The following GTF2F2 variants were observed in gnomAD, a reference collection of about 807,000 sequenced individuals.
GTF2F2 encodes ATP-dependent helicase GTF2F2.
GTF2F2 carries 23 observed loss-of-function variants against 42.2 expected under a neutral mutation model. That is an observed-to-expected ratio of 0.55 (90% CI 0.39 to 0.77). The LOEUF (loss-of-function observed/expected upper bound fraction) is 0.77, where lower values mean the gene tolerates loss of function less well. Ranked by LOEUF, GTF2F2 falls within the 30% of genes least tolerant of loss-of-function variation. The pLI is 0.00. For missense variants in GTF2F2, 261 were observed against 287.2 expected (o/e 0.91, Z 0.66); for synonymous variants, 105 against 100.8 (o/e 1.04, Z -0.25).
In GTF2F2 at chr13:45,186,615, G is replaced by C. The variant is rs192705854; in HGVS notation, c.305-20809G>C. ...CGCCTGGCCGCCCAGCCTATTTTTA[G>C]TGTTTTAAAAATAAATAAAAATTTA... On this transcript the variant is annotated intron_variant, in intron 4 of 7. Coordinates refer to ENST00000340473, the MANE Select transcript of GTF2F2 (RefSeq NM_004128.3). Among the ~76,000 whole-genome samples, 111 of 152,134 alleles carry C rather than the reference G, an allele frequency of 7.3e-4. 2 individuals are homozygous for C. In the East Asian group the frequency reaches 0.02, roughly 28 times the overall value.
chr13:45,147,127 A>C, intron 2 of GTF2F2, among the ~76,000 whole-genome samples: 1 of 152,138 alleles, frequency 6.6e-6, no homozygotes, highest in East Asian at 1.9e-4. Context: ...CCCTGATTGC[A>C]TCTAGTTACC....
In GTF2F2 at chr13:45,136,733, G is replaced by A. The variant is rs757139282; in HGVS notation, c.67G>A (p.Val23Ile). The change falls in exon 2 of 8, where the codon GTT becomes ATT. Residue 23 changes from valine to isoleucine, a missense_variant and splice_region_variant. Coordinates refer to ENST00000340473, the MANE Select transcript of GTF2F2 (RefSeq NM_004128.3). Reference protein sequence around the residue: ...KQNTGVWLVKVPKYLSQQWAK... With the variant: ...KQNTGVWLVKIPKYLSQQWAK... Reference sequence around the variant, plus strand: ...TTATTAGTGTTTTACTTTGTTTTAGGTTCCTAAATATTTGTCACAGCAATG... The same window carrying A: ...TTATTAGTGTTTTACTTTGTTTTAGATTCCTAAATATTTGTCACAGCAATG... 49 of 1,555,894 alleles carry A rather than the reference G, an allele frequency of 3.1e-5. No individual in the cohort carries two copies. Among genetic ancestry groups the A allele is most frequent in the Admixed American group, 2.2e-4 (13 of 58,366 alleles).
chr13:45,136,924 G>A (rs908566744), intron 2 of GTF2F2, 118 bp downstream of exon 2: 4 of 650,610 alleles, frequency 6.1e-6, no homozygotes, highest in Non-Finnish European at 1.1e-5. Flanking sequence ...CAAGTAATGA[G>A]CATGTCAAGG....
intron 5 of GTF2F2, among the ~76,000 whole-genome samples, chr13:45,235,225 T>A (rs1039653930): frequency 6.6e-6 from 1 of 151,980 alleles, no homozygotes; most frequent in African/African-American, 2.4e-5. Context: ...AATTAATTTA[T>A]TATATTACCG....
At chr13:45,213,814 CTTTA>C (rs1430136931) in intron 5 of GTF2F2, among the ~76,000 whole-genome samples, 1 of 152,138 alleles carries the variant, frequency 6.6e-6, no homozygotes, top group Non-Finnish European at 1.5e-5. Context: ...GAAACCTGGA[CTTTA>C]TTTTTCAGTT....
At chr13:45,143,831 T>C (rs1262900640) in intron 2 of GTF2F2, among the ~76,000 whole-genome samples, 1 of 152,240 alleles carries the variant, frequency 6.6e-6, no homozygotes, top group African/African-American at 2.4e-5. Context: ...GAGTAACAGC[T>C]TGTTCTGACA....
At position 45,239,994 on chromosome 13, in the gene GTF2F2, C is replaced by A. The variant is rs900968438; in HGVS notation, c.387-12877C>A. Among the ~76,000 whole-genome samples the A allele has an allele frequency of 8.0e-5, 12 of 150,660 alleles. No individual in the cohort carries two copies. In the East Asian group the frequency reaches 2.2e-3, roughly 27 times the overall value. On this transcript the variant is annotated intron_variant, in intron 5 of 7. Coordinates refer to ENST00000340473, the MANE Select transcript of GTF2F2 (RefSeq NM_004128.3). Reference sequence around the variant, plus strand: ...AATTATATGAGAATATAGAAGAATTCAACTCAGTATTAAGTCTTTCACTAA... The same window carrying A: ...AATTATATGAGAATATAGAAGAATTAAACTCAGTATTAAGTCTTTCACTAA...
chr13:45,228,140 G>T (rs1874457605), intron 5 of GTF2F2, among the ~76,000 whole-genome samples: 2 of 151,286 alleles, frequency 1.3e-5, no homozygotes, highest in African/African-American at 2.4e-5. Context: ...AGTGGCATTT[G>T]TCCGCTTACC....
intron 1 of GTF2F2, among the ~76,000 whole-genome samples, chr13:45,130,361 T>C (rs1024630209): frequency 6.6e-6 from 1 of 152,184 alleles, no homozygotes; most frequent in African/African-American, 2.4e-5. Flanking sequence ...TTTAGAAAAG[T>C]GTCTGGTAAA....
In GTF2F2 at chr13:45,248,412, T is replaced by TTTTTG. The variant is rs569890942; in HGVS notation, c.387-4444_387-4440dup. 2.7e-3 allele frequency among the ~76,000 whole-genome samples: 412 copies of TTTTTG among 152,240 alleles called. 1 individual carries two copies. Among genetic ancestry groups the TTTTTG allele is most frequent in the African/African-American group, 9.3e-3 (386 of 41,526 alleles). ...ATTTGCACCAAGTTTTTTTTGTGTT[T>TTTTTG]TTTTGTTTTGTTTTGTTTTTTGTTT... On this transcript the variant is annotated intron_variant, in intron 5 of 7. Transcript: ENST00000340473.
intron 2 of GTF2F2, among the ~76,000 whole-genome samples, chr13:45,139,269 C>T (rs575884196): frequency 6.6e-6 from 1 of 152,260 alleles, no homozygotes; most frequent in Admixed American, 6.5e-5. Flanking sequence ...AGGGGCATTT[C>T]TTAGCTGTGT....
Position 45,120,679 on chromosome 13 carries a change from CT to C in GTF2F2, c.26del (p.Leu9Ter). On this transcript the variant is annotated frameshift_variant, in exon 1 of 8. Coordinates refer to ENST00000340473, the MANE Select transcript of GTF2F2 (RefSeq NM_004128.3). LOFTEE classifies it high-confidence loss of function. MAERGELD[L>X]TGAKQNTGVW... ...CCATGGCCGAGCGCGGGGAACTCGA[CT>C]TGACCGGCGCCAAACAGAACACAGG... is the stretch of plus-strand genomic sequence containing the variant. 1 of 1,561,350 alleles carries C rather than the reference CT, an allele frequency of 6.4e-7. No homozygotes were observed. The highest frequency in any genetic ancestry group is 8.7e-7 in the Non-Finnish European group (1 of 1,151,822).
chr13:45,168,560 C>A (rs1214661216), intron 4 of GTF2F2, among the ~76,000 whole-genome samples: 1 of 152,132 alleles, frequency 6.6e-6, no homozygotes, highest in Non-Finnish European at 1.5e-5. Flanking sequence ...CTCATTTCTT[C>A]TTCCTCATTT....
chr13:45,262,896 A>G (rs1876404596), intron 6 of GTF2F2, among the ~76,000 whole-genome samples: 1 of 151,550 alleles, frequency 6.6e-6, no homozygotes, highest in Non-Finnish European at 1.5e-5. Context: ...AGGCTCGTTC[A>G]TGGCTAATTT....
At chr13:45,228,281 A>ATTTTTTTTTTTTTTTTTTTTTT (rs1874467229) in intron 5 of GTF2F2, among the ~76,000 whole-genome samples, 1 of 85,682 alleles carries the variant, frequency 1.2e-5, no homozygotes, top group African/African-American at 1.0e-4. Flanking sequence ...GCCAGAGTTA[A>ATTTTTTTTTTTTTTTTTTTTTT]TCTTTTTTTT....
chr13:45,123,211 C>G (rs1420650894), intron 1 of GTF2F2: 1 of 152,338 alleles, frequency 6.6e-6, no homozygotes, highest in Non-Finnish European at 1.5e-5. Context: ...ATGTATGTCC[C>G]TCCCGAAGCT....
intron 1 of GTF2F2, among the ~76,000 whole-genome samples, chr13:45,125,151 G>A (rs539799264): frequency 6.6e-6 from 1 of 152,130 alleles, no homozygotes; most frequent in Non-Finnish European, 1.5e-5. Context: ...AAAGCAAACC[G>A]GTAAAGTAGG....
chr13:45,128,293 G>A lies in GTF2F2; in HGVS notation c.66+7572G>A, dbSNP rs527927054. ...GGCCTTTTTAAAAAATTATTTTTGC[G>A]GCCGGGCACAGTGGCTCACGCCTGT... On this transcript the variant is annotated intron_variant, in intron 1 of 7. Transcript: ENST00000340473. Among the ~76,000 whole-genome samples the A allele has an allele frequency of 3.1e-3, 461 of 148,332 alleles. 3 individuals are homozygous for A. The highest frequency in any genetic ancestry group is 5.7e-3 in the Non-Finnish European group (381 of 66,930).
At chr13:45,265,406 C>T (rs1185570646) in intron 6 of GTF2F2, among the ~76,000 whole-genome samples, 1 of 152,166 alleles carries the variant, frequency 6.6e-6, no homozygotes, top group South Asian at 2.1e-4. Flanking sequence ...CAAGGCCCTC[C>T]CCTCTCTAAT....
Sources: gnomAD v4.1 joint callset for allele counts (sites outside exome capture counted in the v4.1 genomes callset) on GRCh38, gnomAD v4.1.1 for gene constraint, MANE v1.5 for transcripts, NCBI Gene and HGNC (gene_info 2026-07-23, HGNC 2026-07-21) for gene names.